The following SEPTIN2 variants were observed in gnomAD, a reference collection of about 807,000 sequenced individuals.
SEPTIN2 encodes the protein septin 2.
SEPTIN2 carries 34 observed loss-of-function variants against 46.5 expected under a neutral mutation model. The ratio of observed to expected loss-of-function variants is 0.73; its 90% CI spans 0.56 to 0.97. The LOEUF (loss-of-function observed/expected upper bound fraction) is 0.97. Ranked by LOEUF, SEPTIN2 falls within the 50% of genes least tolerant of loss-of-function variation. The pLI is 0.00. For missense variants in SEPTIN2, 347 were observed against 448.4 expected (o/e 0.77, Z 2.04); for synonymous variants, 175 against 153.4 (o/e 1.14, Z -1.04).
intron 7 of SEPTIN2, among the ~76,000 whole-genome samples, chr2:241,338,572 A>G (rs1391807681): frequency 7.4e-6 from 1 of 135,936 alleles, no homozygotes. Flanking sequence ...CAACATAGCA[A>G]TACGCTGTCT....
At chr2:241,331,489 A>C (rs1447165367) in intron 3 of SEPTIN2, among the ~76,000 whole-genome samples, 1 of 152,192 alleles carries the variant, frequency 6.6e-6, no homozygotes, top group African/African-American at 2.4e-5. Flanking sequence ...TCCCAGGTTT[A>C]AGTGATTCTC....
intron 3 of SEPTIN2, among the ~76,000 whole-genome samples, chr2:241,328,157 G>A (rs780904369): frequency 2.3e-4 from 35 of 151,610 alleles, no homozygotes; most frequent in Non-Finnish European, 3.7e-4. Context: ...ATAACTGGTC[G>A]GGCGTGATGG....
intron 7 of SEPTIN2, among the ~76,000 whole-genome samples, chr2:241,338,207 G>A (rs1170923368): frequency 6.6e-6 from 1 of 152,070 alleles, no homozygotes; most frequent in Admixed American, 6.5e-5. Context: ...CATAGCAGTT[G>A]TCAGCCAGCG....
intron 3 of SEPTIN2, among the ~76,000 whole-genome samples, chr2:241,329,985 GAT>G (rs1280300820): frequency 1.3e-5 from 2 of 152,212 alleles, no homozygotes; most frequent in Non-Finnish European, 2.9e-5. Flanking sequence ...ACGGCCAGCA[GAT>G]ATTTAAGAAT....
rs1238849088 is a variant in SEPTIN2 at position 241,336,012 on chromosome 2, T to C, written c.255T>C (p.Thr85=). The change falls in exon 5 of 13, where the codon ACT becomes ACC. Residue 85 remains threonine (T), a synonymous_variant. Coordinates refer to ENST00000391971, the MANE Select transcript of SEPTIN2 (RefSeq NM_004404.5). The part of the protein sequence containing the change: ...IERTVQIEAS[T]VEIEERGVKL... ...GAACTGTCCAGATTGAGGCTTCAACTGTTGAAATTGAAGAGCGAGGGGTCA... is the reference window on the plus strand; with the variant it reads ...GAACTGTCCAGATTGAGGCTTCAACCGTTGAAATTGAAGAGCGAGGGGTCA... 1.9e-6 allele frequency: 3 copies of C among 1,614,152 alleles called. No individual in the cohort carries two copies. The highest frequency in any genetic ancestry group is 1.7e-5 in the Admixed American group (1 of 60,022).
At chr2:241,333,393 C>T (rs369901700) in intron 3 of SEPTIN2, among the ~76,000 whole-genome samples, 48 of 152,300 alleles carry the variant, frequency 3.2e-4, no homozygotes, top group African/African-American at 1.1e-3. Flanking sequence ...GGCATTTAGT[C>T]AAATTTTTAC....
intron 10 of SEPTIN2, 149 bp downstream of exon 10, chr2:241,346,398 A>T (rs1325069169): frequency 1.9e-6 from 1 of 538,534 alleles, no homozygotes; most frequent in East Asian, 3.2e-5. Flanking sequence ...TTGTTAATTT[A>T]ATCAAATTAT....
intron 5 of SEPTIN2, chr2:241,337,093 C>CA (rs201513274): frequency 0.043 from 10,359 of 241,854 alleles, 407 homozygotes; most frequent in Admixed American, 0.19. Context: ...GACTCAGTCT[C>CA]AAAAAAAAAA....
Position 241,350,108 on chromosome 2 carries a change from G to A in SEPTIN2, c.1020G>A (p.Gln340=), listed in dbSNP as rs2150225556. The A allele has an allele frequency of 1.2e-6, 2 of 1,614,202 alleles. No individual in the cohort carries two copies. Among genetic ancestry groups the A allele is most frequent in the Non-Finnish European group, 1.7e-6 (2 of 1,180,012 alleles). ...TGCAAGAGATGATTGCAAGGATGCAGGCGCAGATGCAGATGCAGATGCAGG... is the reference window on the plus strand; with the variant it reads ...TGCAAGAGATGATTGCAAGGATGCAAGCGCAGATGCAGATGCAGATGCAGG... ...RRMQEMIARM[Q]AQMQMQMQGG... The change falls in exon 12 of 13, where the codon CAG becomes CAA. Residue 340 remains glutamine (Q), a synonymous_variant. Transcript: ENST00000391971.
chr2:241,328,034 C>T (rs2078287941), intron 3 of SEPTIN2, among the ~76,000 whole-genome samples: 1 of 152,044 alleles, frequency 6.6e-6, no homozygotes, highest in South Asian at 2.1e-4. Flanking sequence ...GTCTGGGTGA[C>T]AGAGTGAGAC....
At chr2:241,328,129 A>G (rs921294171) in intron 3 of SEPTIN2, among the ~76,000 whole-genome samples, 1 of 152,132 alleles carries the variant, frequency 6.6e-6, no homozygotes, top group Non-Finnish European at 1.5e-5. Flanking sequence ...TGACCACTGA[A>G]TTGTCATTAG....
At chr2:241,342,534 A>ATT (rs548033372) in intron 7 of SEPTIN2, among the ~76,000 whole-genome samples, 16,130 of 87,138 alleles carry the variant, frequency 0.19, 2,042 homozygotes, top group Middle Eastern at 0.26. Flanking sequence ...AGTTTTGTAA[A>ATT]TTTTTTTTTT....
chr2:241,321,583 T>TC (rs112322797), intron 1 of SEPTIN2, among the ~76,000 whole-genome samples: 5 of 152,232 alleles, frequency 3.3e-5, no homozygotes, highest in Admixed American at 3.3e-4. Flanking sequence ...GTTTTTTTTT[T>TC]CCCTTGGTTT....
At chr2:241,346,437 C>T in intron 10 of SEPTIN2, 188 bp downstream of exon 10, 1 of 428,066 alleles carries the variant, frequency 2.3e-6, no homozygotes, top group East Asian at 4.0e-5. Context: ...AGAAAAAGTA[C>T]ATTTAATGAT....
At chr2:241,332,200 A>T (rs751637285) in intron 3 of SEPTIN2, among the ~76,000 whole-genome samples, 1 of 152,276 alleles carries the variant, frequency 6.6e-6, no homozygotes, top group South Asian at 2.1e-4. Context: ...GTGCATTATT[A>T]AAAGTTTGCC....
chr2:241,317,543 T>A, intron 1 of SEPTIN2: 1 of 984,978 alleles, frequency 1.0e-6, no homozygotes, highest in Non-Finnish European at 1.2e-6. Flanking sequence ...GTATTTTTTT[T>A]TTTTTTTTTG....
Position 241,343,762 on chromosome 2 carries a change from C to T in SEPTIN2, c.707C>T (p.Pro236Leu). 6.2e-7 allele frequency: 1 copy of T among 1,614,170 alleles called. No homozygotes were observed. Among genetic ancestry groups the T allele is most frequent in the Non-Finnish European group, 8.5e-7 (1 of 1,180,018 alleles). ...TGTGTCTCTTTCTAGGCTAGCATCC[C>T]ATTCTCTGTGGTTGGATCCAATCAG... ...EQTRLLKASI[P>L]FSVVGSNQLI... Residue 236 changes from proline to leucine, a missense_variant, in exon 9 of 13, where the codon CCA becomes CTA. Pro to Leu is a moderately conservative substitution (Grantham distance 98). Transcript: ENST00000391971.
chr2:241,342,806 G>T (rs1033669050), intron 7 of SEPTIN2, among the ~76,000 whole-genome samples, 186 bp from the exon 8 acceptor site: 9 of 152,022 alleles, frequency 5.9e-5, no homozygotes, highest in African/African-American at 2.2e-4. Flanking sequence ...AAAGTGCTGG[G>T]ATTACAGACG....
intron 9 of SEPTIN2, among the ~76,000 whole-genome samples, chr2:241,344,366 G>C (rs932304538): frequency 6.6e-6 from 1 of 152,114 alleles, no homozygotes; most frequent in Non-Finnish European, 1.5e-5. Flanking sequence ...ATTATTAATA[G>C]CAATTACAGA....
Sources: gnomAD v4.1 joint callset for allele counts (sites outside exome capture counted in the v4.1 genomes callset) on GRCh38, gnomAD v4.1.1 for gene constraint, MANE v1.5 for transcripts, NCBI Gene and HGNC (gene_info 2026-07-23, HGNC 2026-07-21) for gene names.